Variants in CRHR2 observed in about 807,000 individuals in gnomAD.
CRHR2 encodes the protein corticotropin releasing hormone receptor 2, also known as corticotropin-releasing hormone receptor 2.
In CRHR2, 53 loss-of-function variants were observed where a neutral mutation model predicts 57.9. The ratio of observed to expected loss-of-function variants is 0.92; its 90% confidence interval spans 0.73 to 1.15. The LOEUF (loss-of-function observed/expected upper bound fraction) is 1.15. Among genes scored for constraint, CRHR2 ranks in the 50% most tolerant of loss-of-function variants. The probability of loss-of-function intolerance (pLI) is 0.00; values close to 1 mark genes in which losing one functional copy is unlikely to be tolerated. For synonymous variants in CRHR2, 213 were observed against 220.9 expected (o/e 0.96, Z 0.32); for missense variants, 532 against 542.6 (o/e 0.98, Z 0.19).
chr7:30,669,996 C>T (rs183661168), intron 2 of CRHR2, among the ~76,000 whole-genome samples: 23 of 152,234 alleles, frequency 1.5e-4, no homozygotes, highest in Admixed American at 2.6e-4. Flanking sequence ...GAGCCATCCC[C>T]GACACCCTTA....
intron 7 of CRHR2, among the ~76,000 whole-genome samples, chr7:30,661,665 T>C (rs531970291): frequency 6.6e-6 from 1 of 152,250 alleles, no homozygotes; most frequent in Non-Finnish European, 1.5e-5. Context: ...TTGCTGTCAT[T>C]TGGGCTGTGG....
chr7:30,684,832 G>A (rs909375090), upstream of CRHR2, among the ~76,000 whole-genome samples: 2 of 152,212 alleles, frequency 1.3e-5, no homozygotes, highest in Non-Finnish European at 2.9e-5. Context: ...ACAGGCAAAT[G>A]AGGAAGAAAT....
intron 2 of CRHR2, among the ~76,000 whole-genome samples, chr7:30,677,549 G>A (rs1390898001): frequency 6.6e-6 from 1 of 152,208 alleles, no homozygotes; most frequent in Non-Finnish European, 1.5e-5. Flanking sequence ...ATTTGAACCT[G>A]GGTTCGGAGA....
At chr7:30,669,016 A>T (rs1315757839) in intron 2 of CRHR2, among the ~76,000 whole-genome samples, 1 of 152,224 alleles carries the variant, frequency 6.6e-6, no homozygotes, top group Non-Finnish European at 1.5e-5. Context: ...AGTGATAGTG[A>T]TGTCACTGAA....
intron 1 of CRHR2, among the ~76,000 whole-genome samples, chr7:30,696,687 G>A (rs990559672): frequency 1.3e-5 from 2 of 152,046 alleles, no homozygotes; most frequent in African/African-American, 4.8e-5. Context: ...TTGTGCCACT[G>A]CACTCCAGCC....
intron 1 of CRHR2, among the ~76,000 whole-genome samples, chr7:30,697,340 C>T (rs774133844): frequency 1.6e-4 from 24 of 152,198 alleles, no homozygotes; most frequent in Non-Finnish European, 2.8e-4. Context: ...ACTTAGTCAG[C>T]AGGGGCTGAG....
chr7:30,660,154 G>T (rs1384786109), intron 8 of CRHR2, among the ~76,000 whole-genome samples: 2 of 152,242 alleles, frequency 1.3e-5, no homozygotes, highest in Non-Finnish European at 2.9e-5. Flanking sequence ...TCAGGCTGGG[G>T]GTGGTGGGCT....
At chr7:30,670,687 CAGAA>C (rs1229276297) in intron 2 of CRHR2, among the ~76,000 whole-genome samples, 1 of 152,222 alleles carries the variant, frequency 6.6e-6, no homozygotes, top group African/African-American at 2.4e-5. Context: ...GGGAGTAAGA[CAGAA>C]AGAATCTCAT....
intron 8 of CRHR2, among the ~76,000 whole-genome samples, chr7:30,659,828 G>T (rs1179309737): frequency 6.6e-6 from 1 of 152,242 alleles, no homozygotes; most frequent in African/African-American, 2.4e-5. Context: ...AGGAACTGTG[G>T]CCCTTTAAGG....
At chr7:30,689,827 C>T (rs906445078) in intron 1 of CRHR2, among the ~76,000 whole-genome samples, 3 of 152,124 alleles carry the variant, frequency 2.0e-5, no homozygotes, top group South Asian at 2.1e-4. Flanking sequence ...GCACTTGCAA[C>T]GAAGAGCATT....
upstream of CRHR2, chr7:30,682,479 C>A (rs1169408648): frequency 6.0e-6 from 8 of 1,322,552 alleles, no homozygotes; most frequent in East Asian, 1.3e-4. Context: ...GGAGAGGAGC[C>A]GCCGAGTGCA....
At position 30,673,678 on chromosome 7, in the gene CRHR2, A is replaced by T. The variant is rs558182954; in HGVS notation, c.230-6365T>A. Among the ~76,000 whole-genome samples the T allele has an allele frequency of 3.9e-5, 6 of 152,280 alleles. No homozygotes were observed. The East Asian group carries it at 1.2e-3, about 29-fold the overall frequency. On this transcript the variant is annotated intron_variant, in intron 2 of 11. Transcript: ENST00000471646. Reference sequence around the variant, plus strand: ...GACGTACAGTCCTAGTACTAACAGCATGGTTTTCCTGAGCTTCCCAAACGA... The same window carrying T: ...GACGTACAGTCCTAGTACTAACAGCTTGGTTTTCCTGAGCTTCCCAAACGA...
chr7:30,654,918 G>A lies in CRHR2; in HGVS notation c.1095+121C>T, dbSNP rs189224751. 891 of 1,553,682 alleles carry A rather than the reference G, an allele frequency of 5.7e-4. 5 individuals carry two copies. The African/African-American group carries it at 0.011, about 20-fold the overall frequency. On this transcript the variant is annotated intron_variant, in intron 11 of 11. Coordinates refer to ENST00000471646, the MANE Select transcript of CRHR2 (RefSeq NM_001883.5). The stretch of plus-strand genomic sequence containing the variant: ...ATTCCTGTTCCCCTAAGGCCGGGTG[G>A]TATCTCAAGGCTTCCTCTCCCTGGC...
At chr7:30,659,746 T>C (rs1235401020) in intron 8 of CRHR2, among the ~76,000 whole-genome samples, 1 of 152,168 alleles carries the variant, frequency 6.6e-6, no homozygotes, top group Admixed American at 6.5e-5. Flanking sequence ...GTCTCCAAGG[T>C]AGACAAAAGA....
At chr7:30,670,045 C>G (rs1177133979) in intron 2 of CRHR2, among the ~76,000 whole-genome samples, 1 of 152,066 alleles carries the variant, frequency 6.6e-6, no homozygotes, top group African/African-American at 2.4e-5. Context: ...TCCTCTATCC[C>G]TTCCCTTCTC....
At chr7:30,655,891 G>A (rs906427604) in intron 9 of CRHR2, 36 bp downstream of exon 9, 11 of 1,608,134 alleles carry the variant, frequency 6.8e-6, no homozygotes, top group Non-Finnish European at 7.7e-6. Context: ...ACCTCCTCCT[G>A]TCCCCATTGT....
chr7:30,688,713 G>A (rs900637899), intron 2 of CRHR2: 1 of 439,958 alleles, frequency 2.3e-6, no homozygotes, highest in Non-Finnish European at 4.6e-6. Flanking sequence ...CCAGGGCTCT[G>A]TGCAGCTCTG....
In CRHR2 at chr7:30,656,020, G is replaced by GA; in HGVS notation, c.832-9dup. On this transcript the variant is annotated splice_polypyrimidine_tract_variant and intron_variant, in intron 8 of 11. Transcript: ENST00000471646. This position sits in a 1 kb window ranked among gnomAD's most constrained non-coding sequence, Gnocchi z 4.4. ...CAGAAATACGAAATTGATCTGGAGG[G>GA]AGGGCGGGCATGGGAAAGAGGGAAA... The GA allele has an allele frequency of 6.2e-7, 1 of 1,608,434 alleles. No homozygotes were observed. Among genetic ancestry groups the GA allele is most frequent in the Non-Finnish European group, 8.5e-7 (1 of 1,174,962 alleles).
At chr7:30,663,905 A>G (rs1310693916) in intron 5 of CRHR2, among the ~76,000 whole-genome samples, 1 of 152,230 alleles carries the variant, frequency 6.6e-6, no homozygotes, top group Non-Finnish European at 1.5e-5. Context: ...TGGCTCTGAC[A>G]GCCCCAGTTC....
Sources: allele counts gnomAD v4.1 joint callset (sites outside exome capture counted in the v4.1 genomes callset), GRCh38; gene constraint gnomAD v4.1.1; non-coding constraint Gnocchi (gnomAD v3.1); transcripts MANE v1.5; gene names NCBI Gene and HGNC (gene_info 2026-07-23, HGNC 2026-07-21).